Variants in NKAIN2 observed in about 807,000 individuals in gnomAD.
The protein encoded by NKAIN2 is sodium/potassium-transporting ATPase subunit beta-1-interacting protein 2.
A neutral mutation model predicts 32.6 loss-of-function variants in NKAIN2; 14 were observed. That is an observed-to-expected ratio of 0.43 (90% CI 0.28 to 0.67). The LOEUF is 0.67. Among genes scored for constraint, NKAIN2 ranks in the 30% least tolerant of loss-of-function variants. The pLI, the probability that NKAIN2 is intolerant of heterozygous loss-of-function variation, is 0.17. For synonymous variants in NKAIN2, 80 were observed against 87.2 expected (o/e 0.92, Z 0.46); for missense variants, 198 against 258.3 (o/e 0.77, Z 1.60).
At chr6:124,502,701 A>G (rs1778339995) in intron 3 of NKAIN2, among the ~76,000 whole-genome samples, 1 of 152,052 alleles carries the variant, frequency 6.6e-6, no homozygotes, top group Admixed American at 6.6e-5. Flanking sequence ...CATTTTTTTC[A>G]GAAGTCTTTT....
chr6:124,018,621 C>T (rs1275515545), intron 1 of NKAIN2, among the ~76,000 whole-genome samples: 1 of 152,148 alleles, frequency 6.6e-6, no homozygotes, highest in South Asian at 2.1e-4. Flanking sequence ...TGAAGCATAA[C>T]AAGAGTCACC....
At chr6:123,943,738 A>G (rs903945727) in intron 1 of NKAIN2, among the ~76,000 whole-genome samples, 1 of 152,060 alleles carries the variant, frequency 6.6e-6, no homozygotes, top group Admixed American at 6.6e-5. Flanking sequence ...TTTAATGTAT[A>G]CTCAACCTCC....
At chr6:124,362,530 A>T (rs1164316395) in intron 3 of NKAIN2, among the ~76,000 whole-genome samples, 1 of 152,048 alleles carries the variant, frequency 6.6e-6, no homozygotes, top group Non-Finnish European at 1.5e-5. Context: ...AACCTTTCTT[A>T]TTCTCTGTCT....
chr6:124,663,300 G>A (rs1243898089), intron 4 of NKAIN2, among the ~76,000 whole-genome samples: 1 of 151,776 alleles, frequency 6.6e-6, no homozygotes, highest in Non-Finnish European at 1.5e-5. Flanking sequence ...GTGTGGTGGT[G>A]CACACCTGTA....
intron 4 of NKAIN2, among the ~76,000 whole-genome samples, chr6:124,696,473 C>G (rs1446606656): frequency 1.3e-5 from 2 of 152,126 alleles, no homozygotes; most frequent in African/African-American, 2.4e-5. Flanking sequence ...CTCCCATGCC[C>G]TGAGACCTGC....
chr6:124,137,341 T>C (rs1434464458), intron 1 of NKAIN2, among the ~76,000 whole-genome samples: 1 of 151,970 alleles, frequency 6.6e-6, no homozygotes, highest in Non-Finnish European at 1.5e-5. Context: ...TACAAAACAC[T>C]ACTAAAAGAA....
chr6:123,883,715 G>T (rs2114340359), intron 1 of NKAIN2, among the ~76,000 whole-genome samples: 1 of 146,316 alleles, frequency 6.8e-6, no homozygotes, highest in Non-Finnish European at 1.5e-5. Context: ...ATTTAAAAAA[G>T]AGGTACATTT....
rs138617512 is a variant in NKAIN2, at chr6:123,928,674, T to C, written c.54+124420T>C. ...CTCTTAAATATTTCTAGTAGAAGAG[T>C]GAATTGTTTAACCACTTTGTAAAAA... On this transcript the variant is annotated intron_variant, in intron 1 of 6. Transcript: ENST00000368417. Among the ~76,000 whole-genome samples, 218 of 152,188 alleles carry C rather than the reference T, an allele frequency of 1.4e-3. 1 individual carries two copies. The East Asian group carries it at 0.04, about 28-fold the overall frequency.
At chr6:124,711,130 C>G (rs1486905119) in intron 4 of NKAIN2, among the ~76,000 whole-genome samples, 2 of 141,548 alleles carry the variant, frequency 1.4e-5, no homozygotes, top group Non-Finnish European at 3.0e-5. Context: ...GTTGAAAATT[C>G]TTTTCTTTAA....
chr6:124,561,996 G>A (rs1780713197), intron 3 of NKAIN2, among the ~76,000 whole-genome samples: 1 of 152,188 alleles, frequency 6.6e-6, no homozygotes, highest in African/African-American at 2.4e-5. Flanking sequence ...TTTAGCGTCT[G>A]TCATTGTGGA....
At chr6:124,444,847 A>T (rs1418868694) in intron 3 of NKAIN2, among the ~76,000 whole-genome samples, 2 of 152,016 alleles carry the variant, frequency 1.3e-5, no homozygotes, top group African/African-American at 2.4e-5. Flanking sequence ...AATTTTAAGA[A>T]ATTTCTTATT....
intron 3 of NKAIN2, among the ~76,000 whole-genome samples, chr6:124,421,116 C>A (rs1180660558): frequency 1.3e-5 from 2 of 150,992 alleles, no homozygotes; most frequent in African/African-American, 4.9e-5. Flanking sequence ...TCAGTTGGAC[C>A]CATTGTCCTT....
chr6:124,763,259 C>G (rs565033124), intron 4 of NKAIN2, among the ~76,000 whole-genome samples: 2 of 152,298 alleles, frequency 1.3e-5, no homozygotes, highest in Non-Finnish European at 2.9e-5. Flanking sequence ...AGTTCTTGCA[C>G]TGCTATAAAG....
intron 1 of NKAIN2, among the ~76,000 whole-genome samples, chr6:124,218,076 G>A (rs1371994199): frequency 6.6e-6 from 1 of 151,672 alleles, no homozygotes; most frequent in Non-Finnish European, 1.5e-5. Flanking sequence ...AGGCCGTATG[G>A]CAAAGTGTAT....
At chr6:124,447,457 G>A (rs1775941431) in intron 3 of NKAIN2, among the ~76,000 whole-genome samples, 1 of 152,108 alleles carries the variant, frequency 6.6e-6, no homozygotes, top group South Asian at 2.1e-4. Context: ...AATCCAGGAG[G>A]TTGGCTATGA....
chr6:124,439,607 GT>G (rs771951428), intron 3 of NKAIN2, among the ~76,000 whole-genome samples: 5 of 149,204 alleles, frequency 3.4e-5, no homozygotes, highest in African/African-American at 5.0e-5. Context: ...CTTCCTGCTT[GT>G]TTTGTTTTGT....
At chr6:123,806,010 A>G (rs1002421600) in intron 1 of NKAIN2, among the ~76,000 whole-genome samples, 2 of 152,150 alleles carry the variant, frequency 1.3e-5, no homozygotes, top group African/African-American at 4.8e-5. Flanking sequence ...GAAAAACATA[A>G]ATATACCAGT....
intron 1 of NKAIN2, among the ~76,000 whole-genome samples, chr6:124,233,099 C>A (rs1232712153): frequency 6.6e-6 from 1 of 151,916 alleles, no homozygotes; most frequent in Non-Finnish European, 1.5e-5. Flanking sequence ...GTTGGATGAC[C>A]TATGAGCTAC....
intron 1 of NKAIN2, among the ~76,000 whole-genome samples, chr6:124,230,444 G>A (rs9320982): frequency 0.7 from 106,758 of 152,080 alleles, 37,645 homozygotes; most frequent in South Asian, 0.76. Context: ...TTGCATAAGT[G>A]ATAAACAGCT....
Sources: allele counts gnomAD v4.1 joint callset (sites outside exome capture counted in the v4.1 genomes callset), GRCh38; gene constraint gnomAD v4.1.1; transcripts MANE v1.5; gene names NCBI Gene and HGNC (gene_info 2026-07-23, HGNC 2026-07-21).